The following RGS6 variants were observed in gnomAD, a reference collection of about 807,000 sequenced individuals.
RGS6 encodes the protein regulator of G protein signaling 6.
Under a neutral mutation model 78.5 loss-of-function variants are expected in RGS6, and 30 were observed. The ratio of observed to expected loss-of-function variants is 0.38; its 90% confidence interval spans 0.29 to 0.52. The LOEUF (loss-of-function observed/expected upper bound fraction) is 0.52, where lower values mean the gene tolerates loss of function less well. RGS6 is among the 20% of genes least tolerant of loss of function. The probability of loss-of-function intolerance (pLI) is 0.85; values close to 1 mark genes in which losing one functional copy is unlikely to be tolerated. For synonymous variants in RGS6, 206 were observed against 206.0 expected (o/e 1.00, Z 0.00); for missense variants, 495 against 609.7 (o/e 0.81, Z 1.98).
intron 6 of RGS6, 116 bp from the exon 7 acceptor site, chr14:72,465,642 A>G (rs542009389): frequency 2.9e-6 from 2 of 690,092 alleles, no homozygotes; most frequent in Admixed American, 2.2e-5. Flanking sequence ...GGATGGATGG[A>G]TGGATGGATG....
intron 2 of RGS6, among the ~76,000 whole-genome samples, chr14:72,004,901 C>T: frequency 6.6e-6 from 1 of 152,218 alleles, no homozygotes; most frequent in East Asian, 1.9e-4. Flanking sequence ...ATTGGTGTAA[C>T]ACGAATGGTG....
intron 2 of RGS6, among the ~76,000 whole-genome samples, chr14:72,130,082 C>A (rs763139886): frequency 2.5e-4 from 38 of 152,150 alleles, no homozygotes; most frequent in Non-Finnish European, 4.7e-4. Flanking sequence ...GTTGGGAGAA[C>A]CCCCAGGTTT....
chr14:72,630,021 G>C, the RGS6 span, among the ~76,000 whole-genome samples: 8 of 152,268 alleles, frequency 5.3e-5, no homozygotes, highest in East Asian at 1.5e-3. Flanking sequence ...AATGATCAGA[G>C]AGAACGAGAG....
At chr14:72,519,315 G>A (rs1345466568) in intron 15 of RGS6, among the ~76,000 whole-genome samples, 1 of 152,106 alleles carries the variant, frequency 6.6e-6, no homozygotes, top group African/African-American at 2.4e-5. Flanking sequence ...TTACTTCCTG[G>A]CCCCTAATTT....
intron 2 of RGS6, among the ~76,000 whole-genome samples, chr14:72,316,103 A>G (rs1443829558): frequency 6.6e-6 from 1 of 152,214 alleles, no homozygotes; most frequent in Non-Finnish European, 1.5e-5. Context: ...TCCTTCATGG[A>G]AAGAAGAGTC....
intron 3 of RGS6, among the ~76,000 whole-genome samples, chr14:72,426,192 T>C (rs2094429406): frequency 6.6e-6 from 1 of 152,222 alleles, no homozygotes; most frequent in Non-Finnish European, 1.5e-5. Context: ...TCTGAGTTCA[T>C]GTATATTAAG....
chr14:72,313,223 A>C (rs2069106474), intron 2 of RGS6, among the ~76,000 whole-genome samples: 1 of 152,146 alleles, frequency 6.6e-6, no homozygotes, highest in South Asian at 2.1e-4. Context: ...ATGCTACGTA[A>C]TTTTCTGGGC....
intron 15 of RGS6, among the ~76,000 whole-genome samples, chr14:72,533,395 A>G (rs563175318): frequency 1.0e-4 from 16 of 152,386 alleles, no homozygotes; most frequent in African/African-American, 3.8e-4. Context: ...ATGGAGATGT[A>G]CAAGGAGATT....
chr14:72,114,161 G>A (rs547092175), intron 2 of RGS6, among the ~76,000 whole-genome samples: 3 of 152,332 alleles, frequency 2.0e-5, no homozygotes, highest in Admixed American at 2.0e-4. Flanking sequence ...GTATAAGTGT[G>A]TGTGTCAGAC....
chr14:71,953,731 G>A (rs2092546267), intron 1 of RGS6, among the ~76,000 whole-genome samples: 1 of 151,966 alleles, frequency 6.6e-6, no homozygotes, highest in South Asian at 2.1e-4. Context: ...TTATGAATAA[G>A]AAAAATACAA....
intron 2 of RGS6, among the ~76,000 whole-genome samples, chr14:72,187,345 G>A (rs938137979): frequency 1.3e-5 from 2 of 152,162 alleles, no homozygotes; most frequent in Non-Finnish European, 2.9e-5. Flanking sequence ...TCTATCATGT[G>A]GCTACAAGTA....
At chr14:72,523,735 G>T (rs1417778079) in intron 15 of RGS6, among the ~76,000 whole-genome samples, 3 of 152,194 alleles carry the variant, frequency 2.0e-5, no homozygotes, top group African/African-American at 7.2e-5. Flanking sequence ...CTTCCATAAA[G>T]GTCTGTGGGC....
chr14:71,869,583 G>A, the RGS6 span, among the ~76,000 whole-genome samples: 1 of 152,174 alleles, frequency 6.6e-6, no homozygotes, highest in South Asian at 2.1e-4. Context: ...ATCCTTCAGT[G>A]GGCTAAATTG....
chr14:72,549,428 G>A (rs552778337), intron 17 of RGS6, among the ~76,000 whole-genome samples: 121 of 152,270 alleles, frequency 7.9e-4, no homozygotes, highest in African/African-American at 2.7e-3. Context: ...GGGGCGTCCT[G>A]GCCCAAGGTT....
At chr14:72,069,786 C>T (rs905605779) in intron 2 of RGS6, among the ~76,000 whole-genome samples, 4 of 151,866 alleles carry the variant, frequency 2.6e-5, no homozygotes, top group Non-Finnish European at 4.4e-5. Flanking sequence ...GCAATCTGCC[C>T]GCCTTGGCCT....
chr14:72,599,413 T>G, the RGS6 span, among the ~76,000 whole-genome samples: 9 of 121,894 alleles, frequency 7.4e-5, no homozygotes, highest in Admixed American at 8.2e-5. Flanking sequence ...TTTTTTTTTT[T>G]TTTTTTTTTT....
chr14:72,423,602 T>C (rs1756860638), intron 3 of RGS6, among the ~76,000 whole-genome samples: 1 of 142,374 alleles, frequency 7.0e-6, no homozygotes, highest in Admixed American at 7.8e-5. Flanking sequence ...TTCTCACTTA[T>C]AAGTGGGAGC....
At chr14:72,151,234 T>C (rs1434399517) in intron 2 of RGS6, among the ~76,000 whole-genome samples, 1 of 152,086 alleles carries the variant, frequency 6.6e-6, no homozygotes, top group Non-Finnish European at 1.5e-5. Context: ...TTATGGTAAA[T>C]AGAGAAGAAA....
At chr14:72,090,420 G>A (rs187711219) in intron 2 of RGS6, among the ~76,000 whole-genome samples, 54 of 152,256 alleles carry the variant, frequency 3.5e-4, no homozygotes, top group African/African-American at 1.3e-3. Flanking sequence ...TCACAGGAGC[G>A]TGAACCCTAT....
Sources: gnomAD v4.1 joint callset for allele counts (sites outside exome capture counted in the v4.1 genomes callset) on GRCh38, gnomAD v4.1.1 for gene constraint, MANE v1.5 for transcripts, NCBI Gene and HGNC (gene_info 2026-07-23, HGNC 2026-07-21) for gene names.